Variants in AGPS observed in about 807,000 individuals in gnomAD.
AGPS encodes alkyldihydroxyacetonephosphate synthase, peroxisomal.
In AGPS, 26 loss-of-function variants were observed where a neutral mutation model predicts 90.7. The ratio of observed to expected loss-of-function variants is 0.29; its 90% CI spans 0.21 to 0.40. The LOEUF (loss-of-function observed/expected upper bound fraction) is 0.40. Among genes scored for constraint, AGPS ranks in the 10% least tolerant of loss-of-function variants. The pLI, the probability that AGPS is intolerant of heterozygous loss-of-function variation, is 1.00. For missense variants in AGPS, 540 were observed against 816.1 expected (o/e 0.66, Z 4.12); for synonymous variants, 294 against 285.3 (o/e 1.03, Z -0.31).
intron 11 of AGPS, among the ~76,000 whole-genome samples, chr2:177,490,844 G>A (rs1688231817): frequency 1.1e-5 from 1 of 92,480 alleles, no homozygotes; most frequent in Admixed American, 1.3e-4. Context: ...TTAAGTTGCA[G>A]ACTTTTTTTT....
intron 19 of AGPS, 147 bp from the exon 20 acceptor site, chr2:177,537,926 TG>T: frequency 9.2e-7 from 1 of 1,088,566 alleles, no homozygotes; most frequent in Non-Finnish European, 1.4e-6. Context: ...GATAGTCTGG[TG>T]GGCTCAATAA....
chr2:177,533,787 C>A (rs2079159985), intron 19 of AGPS, among the ~76,000 whole-genome samples: 1 of 152,132 alleles, frequency 6.6e-6, no homozygotes, highest in African/African-American at 2.4e-5. Flanking sequence ...TAAATTAAAT[C>A]TTGAAATACA....
intron 1 of AGPS, among the ~76,000 whole-genome samples, chr2:177,411,412 C>T (rs1685617047): frequency 6.6e-6 from 1 of 152,174 alleles, no homozygotes; most frequent in Non-Finnish European, 1.5e-5. Flanking sequence ...GTCCTTCTAG[C>T]ACGCAAGTTA....
At chr2:177,478,673 A>G (rs1687858137) in intron 10 of AGPS, among the ~76,000 whole-genome samples, 1 of 152,104 alleles carries the variant, frequency 6.6e-6, no homozygotes, top group African/African-American at 2.4e-5. Flanking sequence ...CAACTCCAGA[A>G]TTTCTATTTG....
At chr2:177,514,149 G>A (rs547514280) in intron 17 of AGPS, among the ~76,000 whole-genome samples, 32 of 152,234 alleles carry the variant, frequency 2.1e-4, no homozygotes, top group African/African-American at 7.5e-4. Context: ...TGGGTGGCAT[G>A]GCAGTGAAGA....
intron 14 of AGPS, among the ~76,000 whole-genome samples, chr2:177,503,224 C>T (rs560854091): frequency 6.6e-6 from 1 of 152,244 alleles, no homozygotes; most frequent in African/African-American, 2.4e-5. Flanking sequence ...AATAATCATA[C>T]TTTGATTGTT....
At chr2:177,442,262 T>G in intron 6 of AGPS, 145 bp from the exon 7 acceptor site, 1 of 673,286 alleles carries the variant, frequency 1.5e-6, no homozygotes. Context: ...TGTGTTAGCA[T>G]TTGCAAGTTG....
At chr2:177,453,265 GCTA>G (rs1315863485) in intron 8 of AGPS, among the ~76,000 whole-genome samples, 1 of 149,996 alleles carries the variant, frequency 6.7e-6, no homozygotes, top group Non-Finnish European at 1.5e-5. Context: ...TCCCCCTCTG[GCTA>G]CTTTTTTTTT....
intron 2 of AGPS, among the ~76,000 whole-genome samples, chr2:177,421,734 C>T (rs9917193): frequency 0.87 from 132,715 of 151,970 alleles, 58,082 homozygotes; most frequent in East Asian, 0.98. Flanking sequence ...TAGAATAATG[C>T]CTAATACAAT....
chr2:177,523,844 T>A (rs2079054519), intron 19 of AGPS, 39 bp downstream of exon 19: 2 of 1,522,786 alleles, frequency 1.3e-6, no homozygotes, highest in Admixed American at 3.3e-5. Flanking sequence ...ATATTCTTAC[T>A]TTAAAAAATA....
rs182920302 is a variant in AGPS, at chr2:177,416,859, G to A, written c.261-3410G>A. ...TTGTTTTTTGAAAGATGTTAAATTT[G>A]GTATAGTTAGCTCTAAGAATTGGAA... is the stretch of plus-strand genomic sequence containing the variant. On this transcript the variant is annotated intron_variant, in intron 1 of 19. Transcript: ENST00000264167. Among the ~76,000 whole-genome samples, 7 of 152,102 alleles carry A rather than the reference G, an allele frequency of 4.6e-5. No individual in the cohort carries two copies. In the East Asian group the frequency reaches 1.4e-3, roughly 29 times the overall value.
In AGPS at chr2:177,432,215, G is replaced by A. The variant is rs753261746; in HGVS notation, c.351-2112G>A. 2.6e-5 allele frequency among the ~76,000 whole-genome samples: 4 copies of A among 152,210 alleles called. 1 individual carries two copies. Among genetic ancestry groups the A allele is most frequent in the Middle Eastern group, 6.8e-3 (2 of 294 alleles). ...TCATTGGCCTTGAAAACTTGTTCTGGTTCTGTATCTTCTATAATATAGTCT... is the reference window on the plus strand; with the variant it reads ...TCATTGGCCTTGAAAACTTGTTCTGATTCTGTATCTTCTATAATATAGTCT... On this transcript the variant is annotated intron_variant, in intron 2 of 19. Coordinates refer to ENST00000264167, the MANE Select transcript of AGPS (RefSeq NM_003659.4).
chr2:177,461,474 A>G (rs1458027557), intron 8 of AGPS, among the ~76,000 whole-genome samples: 2 of 152,232 alleles, frequency 1.3e-5, no homozygotes, highest in African/African-American at 2.4e-5. Context: ...TAGAGAGAAC[A>G]AGAGATTAAG....
At chr2:177,427,200 G>A (rs945485277) in intron 2 of AGPS, among the ~76,000 whole-genome samples, 2 of 152,150 alleles carry the variant, frequency 1.3e-5, no homozygotes, top group Non-Finnish European at 2.9e-5. Context: ...AGTGTCAGTG[G>A]TGGTATCCCC....
At chr2:177,467,293 A>C (rs1391632023) in intron 9 of AGPS, among the ~76,000 whole-genome samples, 1 of 152,250 alleles carries the variant, frequency 6.6e-6, no homozygotes, top group Non-Finnish European at 1.5e-5. Context: ...TTAAAGAGTT[A>C]TATAATTCTT....
At chr2:177,501,266 A>C (rs530434179) in intron 14 of AGPS, among the ~76,000 whole-genome samples, 1 of 152,208 alleles carries the variant, frequency 6.6e-6, no homozygotes, top group East Asian at 1.9e-4. Flanking sequence ...ACACACCTCC[A>C]CATCTGTACA....
intron 8 of AGPS, among the ~76,000 whole-genome samples, chr2:177,454,176 C>A (rs534902471): frequency 1.3e-4 from 20 of 151,226 alleles, no homozygotes; most frequent in African/African-American, 4.4e-4. Context: ...TCCAATAAAC[C>A]CCCCTCCCCG....
chr2:177,488,606 A>G (rs1044862354), intron 11 of AGPS, among the ~76,000 whole-genome samples: 1 of 152,150 alleles, frequency 6.6e-6, no homozygotes, highest in South Asian at 2.1e-4. Flanking sequence ...CCTCACTTCT[A>G]GTGAGGATGT....
In AGPS at chr2:177,497,740, G is replaced by A; in HGVS notation, c.1337G>A (p.Gly446Glu). Reference protein sequence around the residue: ...VSSIFTSFLDGLKKFYITKFK... With the variant: ...VSSIFTSFLDELKKFYITKFK... The stretch of plus-strand genomic sequence containing the variant: ...TCTATTTTTACATCATTTTTGGACG[G>A]ATTAAAAAAGTTTTATATTACAAAG... The change falls in exon 13 of 20, where the codon GGA becomes GAA. Residue 446 changes from glycine to glutamate, a missense_variant. Coordinates refer to ENST00000264167, the MANE Select transcript of AGPS (RefSeq NM_003659.4). 6.4e-7 allele frequency: 1 copy of A among 1,570,622 alleles called. No individual in the cohort carries two copies.
Sources: allele counts gnomAD v4.1 joint callset (sites outside exome capture counted in the v4.1 genomes callset), GRCh38; gene constraint gnomAD v4.1.1; transcripts MANE v1.5; gene names NCBI Gene and HGNC (gene_info 2026-07-23, HGNC 2026-07-21).